ZNF740: variants seen among roughly 807,000 people sequenced by gnomAD.
ZNF740 encodes oriLyt TD-element-binding protein 7.
In ZNF740, 14 loss-of-function variants were observed where a neutral mutation model predicts 24.8. The ratio of observed to expected loss-of-function variants is 0.56; its 90% CI spans 0.37 to 0.88. The LOEUF (loss-of-function observed/expected upper bound fraction) is 0.88. ZNF740 is among the 40% of genes least tolerant of loss of function. The pLI is 0.00. For synonymous variants in ZNF740, 69 were observed against 84.0 expected (o/e 0.82, Z 0.98); for missense variants, 201 against 247.9 (o/e 0.81, Z 1.27).
chr12:53,192,626 G>T lies in ZNF740; in HGVS notation c.*5036G>T, dbSNP rs964481319. 6.3e-7 allele frequency: 1 copy of T among 1,595,468 alleles called. No homozygotes were observed. Among genetic ancestry groups the T allele is most frequent in the Non-Finnish European group, 8.6e-7 (1 of 1,165,844 alleles). ...CTACAAGCAGGACGGAGAGTAGGCA[G>T]ATGGGAGTAGCTCAACAAGCCCCAC... On this transcript the variant is annotated 3_prime_UTR_variant, in exon 7 of 7. Transcript: ENST00000416904.
chr12:53,181,949 C>T lies in ZNF740; in HGVS notation c.-35C>T, dbSNP rs1941661109. On this transcript the variant is annotated 5_prime_UTR_variant, in exon 2 of 7. Coordinates refer to ENST00000416904, the MANE Select transcript of ZNF740 (RefSeq NM_001004304.4). Reference sequence around the variant, plus strand: ...CAAGGAAAGGTGGACCTAGGAACTCCTGAACTTTTGGGTTGCCTTAAGTGA... The same window carrying T: ...CAAGGAAAGGTGGACCTAGGAACTCTTGAACTTTTGGGTTGCCTTAAGTGA... 1.2e-6 allele frequency: 2 copies of T among 1,602,312 alleles called. No homozygotes were observed. Among genetic ancestry groups the T allele is most frequent in the South Asian group, 2.3e-5 (2 of 88,716 alleles).
rs995320983 is a variant in ZNF740, at chr12:53,191,188, T to G, written c.*3598T>G. The G allele has an allele frequency of 6.8e-6, 2 of 292,594 alleles. No individual in the cohort carries two copies. Among genetic ancestry groups the G allele is most frequent in the African/African-American group, 4.3e-5 (2 of 46,370 alleles). 18.1% of individuals were successfully genotyped at this position (292,594 alleles called of 1,614,324 possible). ...GGTCCCAGGGTGCACCCCGGGAGTT[T>G]CCTGCACATTCGCGCTTGGGCACCT... On this transcript the variant is annotated 3_prime_UTR_variant, in exon 7 of 7. Transcript: ENST00000416904.
intron 2 of ZNF740, among the ~76,000 whole-genome samples, chr12:53,184,150 T>TGTGTGCGTGC (rs59250662): frequency 3.8e-5 from 4 of 104,346 alleles, no homozygotes; most frequent in African/African-American, 1.5e-4. Flanking sequence ...TGTGTGTGTG[T>TGTGTGCGTGC]GCGCGCGCGC....
rs1473718086 is a variant in ZNF740 at position 53,190,889 on chromosome 12, T to A, written c.*3299T>A. ...CATACTATCTCCTCTTTGGGGAAGCTTTTTCATACTGGTTTTAGTTGTTTT... is the reference window on the plus strand; with the variant it reads ...CATACTATCTCCTCTTTGGGGAAGCATTTTCATACTGGTTTTAGTTGTTTT... On this transcript the variant is annotated 3_prime_UTR_variant, in exon 7 of 7. Coordinates refer to ENST00000416904, the MANE Select transcript of ZNF740 (RefSeq NM_001004304.4). The A allele has an allele frequency of 6.6e-6, 1 of 152,584 alleles. No individual in the cohort carries two copies. The highest frequency in any genetic ancestry group is 1.5e-5 in the Non-Finnish European group (1 of 68,452). 9.5% of individuals were successfully genotyped at this position (152,584 alleles called of 1,614,324 possible).
Position 53,191,680 on chromosome 12 carries a change from C to T in ZNF740, c.*4090C>T, listed in dbSNP as rs868062939. The stretch of plus-strand genomic sequence containing the variant: ...GATTATAAGCAAAAATCCCAGGATT[C>T]CTCGTCCCCTTTCTAGACCTAAGAG... On this transcript the variant is annotated 3_prime_UTR_variant, in exon 7 of 7. Coordinates refer to ENST00000416904, the MANE Select transcript of ZNF740 (RefSeq NM_001004304.4). The T allele has an allele frequency of 6.3e-7, 1 of 1,575,872 alleles. No homozygotes were observed. The highest frequency in any genetic ancestry group is 8.7e-7 in the Non-Finnish European group (1 of 1,145,360).
Position 53,191,684 on chromosome 12 carries a change from G to A in ZNF740, c.*4094G>A, listed in dbSNP as rs369450948. On this transcript the variant is annotated 3_prime_UTR_variant, in exon 7 of 7. Transcript: ENST00000416904. ...ATAAGCAAAAATCCCAGGATTCCTC[G>A]TCCCCTTTCTAGACCTAAGAGGCCA... 40 of 1,569,392 alleles carry A rather than the reference G, an allele frequency of 2.5e-5. No homozygotes were observed. The highest frequency in any genetic ancestry group is 9.0e-5 in the East Asian group (4 of 44,626).
At chr12:53,186,649 G>C (rs1379504978) in intron 6 of ZNF740, 140 bp downstream of exon 6, 1 of 611,892 alleles carries the variant, frequency 1.6e-6, no homozygotes, top group East Asian at 2.8e-5. Context: ...AAGTGCATCT[G>C]TCTGGCCTTA....
In ZNF740 at chr12:53,181,326, C is replaced by G. The variant is rs1462102477; in HGVS notation, c.-307-351C>G. On this transcript the variant is annotated intron_variant, in intron 1 of 6. Transcript: ENST00000416904. ...GATGGCCCTTGAGCTTTCCTCCACC[C>G]TAGTCTTGCCGCCTCTGTAAAGTGC... 1.3e-5 allele frequency: 13 copies of G among 985,354 alleles called. No individual in the cohort carries two copies. In the Admixed American group the frequency reaches 8.0e-4, roughly 61 times the overall value. The allele number at this position is 985,354 out of a possible 1,614,324, so 61.0% of individuals were successfully genotyped here.
chr12:53,181,271 C>T (rs1941616870), intron 1 of ZNF740: 4 of 985,310 alleles, frequency 4.1e-6, no homozygotes, highest in Non-Finnish European at 4.8e-6. Flanking sequence ...ACTGCCAGTC[C>T]CGTTTCTGCC....
rs1314340191 is a variant in ZNF740, at chr12:53,194,440, C to G, written c.*6850C>G. The G allele has an allele frequency of 7.7e-6, 10 of 1,294,674 alleles. No individual in the cohort carries two copies. Among genetic ancestry groups the G allele is most frequent in the Non-Finnish European group, 9.7e-6 (9 of 925,500 alleles). The allele number at this position is 1,294,674 out of a possible 1,614,324, so 80.2% of individuals were successfully genotyped here. On this transcript the variant is annotated 3_prime_UTR_variant, in exon 7 of 7. Transcript: ENST00000416904. Reference sequence around the variant, plus strand: ...CCAGGTGTTCCCAATTCTGCCAGCACCCTGCCCTCTGCCACCTGGGGCTCC... The same window carrying G: ...CCAGGTGTTCCCAATTCTGCCAGCAGCCTGCCCTCTGCCACCTGGGGCTCC...
chr12:53,193,366 G>A lies in ZNF740; in HGVS notation c.*5776G>A, dbSNP rs758588801. On this transcript the variant is annotated 3_prime_UTR_variant, in exon 7 of 7. Coordinates refer to ENST00000416904, the MANE Select transcript of ZNF740 (RefSeq NM_001004304.4). ...GACCTAGGCGGCCAGGGGCACAGCT[G>A]GAAGGGGAAGGCAAAGGAGAGAAGT... is the stretch of plus-strand genomic sequence containing the variant. 5 of 1,565,836 alleles carry A rather than the reference G, an allele frequency of 3.2e-6. No individual in the cohort carries two copies. The South Asian group carries it at 5.9e-5, about 18-fold the overall frequency.
chr12:53,180,900 C>G (rs1314367837), intron 1 of ZNF740, 63 bp downstream of exon 1: 4 of 1,126,916 alleles, frequency 3.5e-6, no homozygotes, highest in Non-Finnish European at 4.4e-6. Flanking sequence ...CAGTAGCTCG[C>G]AAGCCGTGGG....
chr12:53,192,807 T>G lies in ZNF740; in HGVS notation c.*5217T>G, dbSNP rs1374824328. The G allele has an allele frequency of 4.3e-6, 7 of 1,614,092 alleles. No homozygotes were observed. In the African/African-American group the frequency reaches 6.7e-5, roughly 15 times the overall value. On this transcript the variant is annotated 3_prime_UTR_variant, in exon 7 of 7. Transcript: ENST00000416904. ...AGCGTCCATGCCCACTGCAGAGCCC[T>G]CCCTCGGGACTGATGCAACTGTCCA...
chr12:53,192,552 G>A lies in ZNF740; in HGVS notation c.*4962G>A. 1 of 1,612,592 alleles carries A rather than the reference G, an allele frequency of 6.2e-7. No individual in the cohort carries two copies. The highest frequency in any genetic ancestry group is 1.3e-5 in the African/African-American group (1 of 75,050). On this transcript the variant is annotated 3_prime_UTR_variant, in exon 7 of 7. Transcript: ENST00000416904. Reference sequence around the variant, plus strand: ...TCTGCACAGTCCCTGTGTAGTAGATGCCAATAGGTTACCAGCTGGGCAGTT... The same window carrying A: ...TCTGCACAGTCCCTGTGTAGTAGATACCAATAGGTTACCAGCTGGGCAGTT...
chr12:53,181,799 C>T lies in ZNF740; in HGVS notation c.-185C>T. 1 of 727,468 alleles carries T rather than the reference C, an allele frequency of 1.4e-6. No individual in the cohort carries two copies. The highest frequency in any genetic ancestry group is 2.2e-6 in the Non-Finnish European group (1 of 448,802). 45.1% of individuals were successfully genotyped at this position (727,468 alleles called of 1,614,324 possible). ...CAGAGTCCAGGGATTCTTGGAACAC[C>T]TATCTTTTCTTCGGAGGACACTAAG... is the stretch of plus-strand genomic sequence containing the variant. On this transcript the variant is annotated 5_prime_UTR_variant, in exon 2 of 7. Coordinates refer to ENST00000416904, the MANE Select transcript of ZNF740 (RefSeq NM_001004304.4).
intron 2 of ZNF740, among the ~76,000 whole-genome samples, chr12:53,184,148 T>TGTGTGTGTGTGTGC: frequency 1.0e-5 from 1 of 100,396 alleles, no homozygotes; most frequent in East Asian, 2.9e-4. Flanking sequence ...TGTGTGTGTG[T>TGTGTGTGTGTGTGC]GTGCGCGCGC....
intron 2 of ZNF740, chr12:53,182,332 A>AT (rs1218487781): frequency 3.9e-6 from 1 of 253,410 alleles, no homozygotes; most frequent in Admixed American, 5.5e-5. Context: ...TCCAACAGGA[A>AT]TTTATTGAGT....
chr12:53,192,603 A>G lies in ZNF740; in HGVS notation c.*5013A>G, dbSNP rs1565698313. 15 of 1,597,658 alleles carry G rather than the reference A, an allele frequency of 9.4e-6. No homozygotes were observed. Among genetic ancestry groups the G allele is most frequent in the Non-Finnish European group, 1.2e-5 (14 of 1,167,524 alleles). ...GTCACCCAATGCCCCTTGCCCAACT[A>G]CAAGCAGGACGGAGAGTAGGCAGAT... On this transcript the variant is annotated 3_prime_UTR_variant, in exon 7 of 7. Coordinates refer to ENST00000416904, the MANE Select transcript of ZNF740 (RefSeq NM_001004304.4).
chr12:53,184,150 T>TGTGTGTGTGTGTGTGTGTGC (rs59250662), intron 2 of ZNF740, among the ~76,000 whole-genome samples: 23 of 104,418 alleles, frequency 2.2e-4, no homozygotes, highest in South Asian at 9.0e-4. Context: ...TGTGTGTGTG[T>TGTGTGTGTGTGTGTGTGTGC]GCGCGCGCGC....
Sources: gnomAD v4.1 joint callset for allele counts (sites outside exome capture counted in the v4.1 genomes callset) on GRCh38, gnomAD v4.1.1 for gene constraint, MANE v1.5 for transcripts, NCBI Gene and HGNC (gene_info 2026-07-23, HGNC 2026-07-21) for gene names.